Variants in CTSV observed in about 807,000 individuals in gnomAD.
CTSV encodes cathepsin V.
In CTSV, 33 loss-of-function variants were observed where a neutral mutation model predicts 35.6. The observed-to-expected ratio is 0.93, with a 90% CI of 0.70 to 1.24. The LOEUF is 1.24. CTSV is among the 50% of genes most tolerant of loss of function. The pLI, the probability that CTSV is intolerant of heterozygous loss-of-function variation, is 0.00. For missense variants in CTSV, 408 were observed against 413.1 expected, an observed-to-expected ratio of 0.99 and a Z score of 0.11; for synonymous variants, 154 against 147.1, an observed-to-expected ratio of 1.05 and a Z score of -0.34.
rs766836951 is a variant in CTSV, at chr9:97,034,761, A to T, written c.870T>A (p.Asn290Lys). ...CGAGCCAATACTTGCTGTTATTCGA[A>T]TTTGCTCCTTCAAAGCCGTAGCCAA... Reference protein sequence around the residue: ...LVVGYGFEGANSNNSKYWLVK... With the variant: ...LVVGYGFEGAKSNNSKYWLVK... The change falls in exon 7 of 8, where the codon AAT becomes AAA. Residue 290 changes from asparagine to lysine, a missense_variant. By Grantham distance (94) the Asn-to-Lys change is moderately conservative. Transcript: ENST00000259470. 1.4e-5 allele frequency: 23 copies of T among 1,614,034 alleles called. No homozygotes were observed. In the South Asian group the frequency reaches 1.8e-4, roughly 12 times the overall value.
At chr9:97,036,832 T>TAAAAA in intron 4 of CTSV, 85 bp from the exon 5 acceptor site, 15 of 892,230 alleles carry the variant, frequency 1.7e-5, no homozygotes, top group South Asian at 5.2e-5. Context: ...TAATATTCTT[T>TAAAAA]AAAAAAAAAA....
At position 97,031,840 on chromosome 9, in the gene CTSV, C is replaced by T. The variant is rs1291723167; in HGVS notation, c.*1109G>A. ...AAATGCCTGAGATTTGTTAACCACA[C>T]CATTTATTTTTGCTAACACTAGTTA... is the stretch of plus-strand genomic sequence containing the variant. On this transcript the variant is annotated 3_prime_UTR_variant, in exon 8 of 8. Transcript: ENST00000259470. 6.6e-6 allele frequency: 1 copy of T among 152,172 alleles called. No individual in the cohort carries two copies. The highest frequency in any genetic ancestry group is 6.5e-5 in the Admixed American group (1 of 15,274). The allele number at this position is 152,172 out of a possible 1,614,324, so 9.4% of individuals were successfully genotyped here.
In CTSV at chr9:97,030,658, G is replaced by T. The variant is rs960547274; in HGVS notation, c.*2291C>A. The T allele has an allele frequency of 2.0e-5, 3 of 152,166 alleles. No individual in the cohort carries two copies. The highest frequency in any genetic ancestry group is 7.2e-5 in the African/African-American group (3 of 41,426). 9.4% of individuals were successfully genotyped at this position (152,166 alleles called of 1,614,324 possible). ...TAACTAAAAGTATTCCTTCCCAAAC[G>T]AAACAAAGGCATGGGGTCTGGCTAG... On this transcript the variant is annotated 3_prime_UTR_variant, in exon 8 of 8. Transcript: ENST00000259470.
rs1482412359 is a variant in CTSV, at chr9:97,037,289, C to T, written c.359G>A (p.Trp120Ter). The change falls in exon 4 of 8, where the codon TGG (tryptophan) becomes TAG (stop). Residue 120 changes from tryptophan (W) to a stop codon, truncating the protein, a stop_gained. Coordinates refer to ENST00000259470, the MANE Select transcript of CTSV (RefSeq NM_001333.4). LOFTEE classifies it high-confidence loss of function. ...TGGCGTCACGTAGCCTTTCTTTCTC[C>T]AATCCACAGATTTGGGAAGATCAAG... ...LFLDLPKSVD[W>*]RKKGYVTPVK... is the part of the protein sequence containing the mutation. 6 of 1,614,022 alleles carry T rather than the reference C, an allele frequency of 3.7e-6. No homozygotes were observed. Among genetic ancestry groups the T allele is most frequent in the Admixed American group, 3.3e-5 (2 of 59,990 alleles).
intron 2 of CTSV, 74 bp downstream of exon 2, chr9:97,037,844 C>T: frequency 6.3e-7 from 1 of 1,580,032 alleles, no homozygotes; most frequent in Non-Finnish European, 8.7e-7. Flanking sequence ...AGAAGCTACT[C>T]TCTGGCTATC....
intron 7 of CTSV, among the ~76,000 whole-genome samples, chr9:97,034,417 G>A (rs1420059739): frequency 6.6e-6 from 1 of 152,120 alleles, no homozygotes; most frequent in Non-Finnish European, 1.5e-5. Context: ...ACTATTCCTT[G>A]TTGAAAAATT....
intron 7 of CTSV, 147 bp downstream of exon 7, chr9:97,034,579 A>T: frequency 1.5e-6 from 1 of 647,126 alleles, no homozygotes; most frequent in Non-Finnish European, 2.7e-6. Flanking sequence ...AAAGCTTGGT[A>T]CGGAATCTTA....
At position 97,038,095 on chromosome 9, in the gene CTSV, T is replaced by TA. The variant is rs753800219; in HGVS notation, c.-10-43dup. 1.1e-5 allele frequency: 17 copies of TA among 1,575,192 alleles called. No homozygotes were observed. The African/African-American group carries it at 2.3e-4, about 21-fold the overall frequency. On this transcript the variant is annotated intron_variant, in intron 1 of 7. Coordinates refer to ENST00000259470, the MANE Select transcript of CTSV (RefSeq NM_001333.4). The stretch of plus-strand genomic sequence containing the variant: ...AATGAGTATCTGATTAGACCAATCC[T>TA]AAAAAGCCATCTTACAGCCCCCGTG...
In CTSV at chr9:97,037,136, A is replaced by C. The variant is rs1828866497; in HGVS notation, c.396+116T>G. On this transcript the variant is annotated intron_variant, in intron 4 of 7. Transcript: ENST00000259470. ...CAAGCAAACAAAAAAAACACCAAAA[A>C]CCAAAAATACAAAAAACCCATCACC... The C allele has an allele frequency of 6.7e-6, 8 of 1,187,758 alleles. No individual in the cohort carries two copies. In the South Asian group the frequency reaches 1.3e-4, roughly 19 times the overall value. The allele number at this position is 1,187,758 out of a possible 1,614,324, so 73.6% of individuals were successfully genotyped here.
intron 4 of CTSV, 125 bp from the exon 5 acceptor site, chr9:97,036,872 AG>A: frequency 1.2e-6 from 1 of 867,912 alleles, no homozygotes. Flanking sequence ...TGGGAGGCCG[AG>A]GCGGGCAGAT....
intron 6 of CTSV, among the ~76,000 whole-genome samples, 197 bp from the exon 7 acceptor site, chr9:97,035,040 G>C (rs1462335680): frequency 6.6e-6 from 1 of 152,076 alleles, no homozygotes; most frequent in African/African-American, 2.4e-5. Flanking sequence ...CAACTCACTA[G>C]AAATCAACTA....
chr9:97,037,680 A>AT, intron 2 of CTSV, 65 bp from the exon 3 acceptor site: 1 of 1,585,720 alleles, frequency 6.3e-7, no homozygotes, highest in Non-Finnish European at 8.6e-7. Flanking sequence ...CACCAAGCCG[A>AT]TTTGCGGGCA....
In CTSV at chr9:97,036,556, C is replaced by G. The variant is rs1828854656; in HGVS notation, c.588G>C (p.Leu196=). 1 of 1,613,978 alleles carries G rather than the reference C, an allele frequency of 6.2e-7. No individual in the cohort carries two copies. Among genetic ancestry groups the G allele is most frequent in the Non-Finnish European group, 8.5e-7 (1 of 1,179,948 alleles). The change falls in exon 5 of 8, where the codon CTG becomes CTC. Residue 196 remains leucine, a synonymous_variant. Transcript: ENST00000259470. The part of the protein sequence containing the change: ...AFQYVKENGG[L]DSEESYPYVA... ...CATATGGATAGGATTCCTCAGAGTC[C>G]AGGCCTCCGTTCTCCTTGACATACT...
intron 4 of CTSV, among the ~76,000 whole-genome samples, chr9:97,037,007 G>A (rs1828863687): frequency 6.6e-6 from 1 of 151,860 alleles, no homozygotes; most frequent in Non-Finnish European, 1.5e-5. Context: ...CTCGGGAGGT[G>A]GAGGCAGGAG....
rs370604384 is a variant in CTSV, at chr9:97,032,996, T to C, written c.958A>G (p.Asn320Asp). 17 of 1,613,600 alleles carry C rather than the reference T, an allele frequency of 1.1e-5. No individual in the cohort carries two copies. In the African/African-American group the frequency reaches 1.3e-4, roughly 13 times the overall value. Residue 320 changes from asparagine (N) to aspartate (D), a missense_variant, in exon 8 of 8, where the codon AAC becomes GAC. Physicochemically the swap from Asn to Asp is conservative, Grantham distance 23 (BLOSUM62 1). Coordinates refer to ENST00000259470, the MANE Select transcript of CTSV (RefSeq NM_001333.4). ...GCTGTGGCGATTCCACAGTGGTTGT[T>C]CTTGTCTTTGGCTATTTTTACATAG... is the stretch of plus-strand genomic sequence containing the variant. The part of the protein sequence containing the change: ...NGYVKIAKDK[N>D]NHCGIATAAS...
chr9:97,035,547 G>A lies in CTSV; in HGVS notation c.768C>T (p.Ser256=). 1.3e-6 allele frequency: 2 copies of A among 1,554,776 alleles called. No individual in the cohort carries two copies. Among genetic ancestry groups the A allele is most frequent in the Non-Finnish European group, 8.7e-7 (1 of 1,146,226 alleles). The change falls in exon 6 of 8, where the codon TCC becomes TCT. Residue 256 remains serine, a synonymous_variant. Transcript: ENST00000259470. The stretch of plus-strand genomic sequence containing the variant: ...ACTTACCTGATTTGTAGAACTGGAA[G>A]GACGAATGGCCTGCATCCATAGCAA... ...ISVAMDAGHS[S]FQFYKSGIYF...
intron 4 of CTSV, among the ~76,000 whole-genome samples, chr9:97,037,045 T>C (rs779900520): frequency 6.6e-6 from 1 of 152,112 alleles, no homozygotes; most frequent in Admixed American, 6.5e-5. Flanking sequence ...AGGCAGAGGT[T>C]GCAGTGAGAC....
Position 97,034,830 on chromosome 9 carries a change from T to C in CTSV, c.801A>G (p.Glu267=), listed in dbSNP as rs948889389. Residue 267 remains glutamate (E), a synonymous_variant, in exon 7 of 8, where the codon GAA becomes GAG. Coordinates refer to ENST00000259470, the MANE Select transcript of CTSV (RefSeq NM_001333.4). The part of the protein sequence containing the change: ...FQFYKSGIYF[E]PDCSSKNLDH... The stretch of plus-strand genomic sequence containing the variant: ...CCAGGTTTTTGCTGCTGCAGTCTGG[T>C]TCAAAATAAATGCCTGGGAGAGTAA... The C allele has an allele frequency of 6.2e-7, 1 of 1,613,926 alleles. No individual in the cohort carries two copies. The highest frequency in any genetic ancestry group is 8.5e-7 in the Non-Finnish European group (1 of 1,179,952).
In CTSV at chr9:97,037,342, CT is replaced by C. The variant is rs745962692; in HGVS notation, c.305del (p.Lys102ArgfsTer25). The C allele has an allele frequency of 3.3e-5, 53 of 1,614,096 alleles. No homozygotes were observed. Among genetic ancestry groups the C allele is most frequent in the Middle Eastern group, 3.3e-4 (2 of 6,084 alleles). ...MGCFRNQKFR[K>X]GKVFREPLFL... is the part of the protein sequence containing the mutation. ...ACAGAGGCTCACGGAACACTTTCCC[CT>C]TCCTGAATTTCTGGTTTCGAAAGCA... On this transcript the variant is annotated frameshift_variant, in exon 4 of 8. Transcript: ENST00000259470. LOFTEE classifies it high-confidence loss of function.
Sources: allele counts gnomAD v4.1 joint callset (sites outside exome capture counted in the v4.1 genomes callset), GRCh38; gene constraint gnomAD v4.1.1; transcripts MANE v1.5; gene names NCBI Gene and HGNC (gene_info 2026-07-23, HGNC 2026-07-21).